The following ADGRL3 variants were observed in gnomAD, a reference collection of about 807,000 sequenced individuals.
ADGRL3 encodes calcium-independent alpha-latrotoxin receptor 3.
ADGRL3 carries 62 observed loss-of-function variants against 153.5 expected under a neutral mutation model. That is an observed-to-expected ratio of 0.40 (90% confidence interval 0.33 to 0.50). ADGRL3 has a LOEUF of 0.50. ADGRL3 is among the 20% of genes least tolerant of loss of function. The pLI, the probability that ADGRL3 is intolerant of heterozygous loss-of-function variation, is 0.47. For missense variants in ADGRL3, 1,641 were observed against 1,859.4 expected (o/e 0.88, Z 2.16); for synonymous variants, 710 against 672.5 (o/e 1.06, Z -0.86).
chr4:61,604,260 T>C (rs1023037999), intron 5 of ADGRL3, among the ~76,000 whole-genome samples: 4 of 152,146 alleles, frequency 2.6e-5, no homozygotes, highest in African/African-American at 9.7e-5. Context: ...GCCTTCATTA[T>C]GTCAGTGTCT....
At chr4:61,261,962 T>G (rs1440390113) in intron 1 of ADGRL3, among the ~76,000 whole-genome samples, 1 of 151,718 alleles carries the variant, frequency 6.6e-6, no homozygotes, top group Non-Finnish European at 1.5e-5. Context: ...AGCTTAGACT[T>G]CAAGGGGAGT....
chr4:61,675,130 C>T (rs1463417676), intron 5 of ADGRL3, among the ~76,000 whole-genome samples: 9 of 151,792 alleles, frequency 5.9e-5, no homozygotes, highest in African/African-American at 9.7e-5. Context: ...AAATAAAATC[C>T]TTATTAAGCC....
rs1191184474 is a variant in ADGRL3, at chr4:61,260,563, G to A, written c.-240+58798G>A. Among the ~76,000 whole-genome samples the A allele has an allele frequency of 4.6e-5, 7 of 152,118 alleles. No individual in the cohort carries two copies. The East Asian group carries it at 1.3e-3, about 29-fold the overall frequency. On this transcript the variant is annotated intron_variant, in intron 1 of 26. Transcript: ENST00000683033. Reference sequence around the variant, plus strand: ...TCACTGAGTCTCATTTTCTCTTTTAGGGTGGTTCTAAGAGTTAAGTAAGAT... The same window carrying A: ...TCACTGAGTCTCATTTTCTCTTTTAAGGTGGTTCTAAGAGTTAAGTAAGAT...
chr4:61,664,495 C>T (rs1291081025), intron 5 of ADGRL3, among the ~76,000 whole-genome samples: 1 of 152,092 alleles, frequency 6.6e-6, no homozygotes, highest in African/African-American at 2.4e-5. Context: ...CATTCTCTAC[C>T]TTTATACATG....
At chr4:61,520,652 C>CTGTGTGTGTGTGTGTGTG (rs545112505) in intron 4 of ADGRL3, among the ~76,000 whole-genome samples, 2,009 of 118,452 alleles carry the variant, frequency 0.017, 60 homozygotes, top group African/African-American at 0.044. Flanking sequence ...CTATAAACCT[C>CTGTGTGTGTGTGTGTGTG]TGTGTGTGTG....
intron 2 of ADGRL3, among the ~76,000 whole-genome samples, chr4:61,399,561 G>A (rs2096906316): frequency 6.6e-6 from 1 of 151,556 alleles, no homozygotes; most frequent in South Asian, 2.1e-4. Context: ...AATAAAAGTA[G>A]AAGTTGTCAA....
intron 8 of ADGRL3, among the ~76,000 whole-genome samples, chr4:61,763,109 G>T (rs2152220329): frequency 6.6e-6 from 1 of 150,912 alleles, no homozygotes; most frequent in Non-Finnish European, 1.5e-5. Context: ...TACTTTTCTT[G>T]CACACTTTGC....
At chr4:61,774,843 T>C (rs1380201247) in intron 8 of ADGRL3, among the ~76,000 whole-genome samples, 1 of 152,230 alleles carries the variant, frequency 6.6e-6, no homozygotes, top group African/African-American at 2.4e-5. Flanking sequence ...TACTATTTGC[T>C]GCTATCGGTT....
chr4:61,620,796 A>G (rs1015155185), intron 5 of ADGRL3, among the ~76,000 whole-genome samples: 1 of 151,738 alleles, frequency 6.6e-6, no homozygotes, highest in Non-Finnish European at 1.5e-5. Flanking sequence ...ACTCGCCACC[A>G]TGCCCAACTA....
intron 4 of ADGRL3, among the ~76,000 whole-genome samples, chr4:61,571,610 C>G (rs1422106338): frequency 6.6e-6 from 1 of 152,058 alleles, no homozygotes; most frequent in Non-Finnish European, 1.5e-5. Context: ...CTACTTAAGG[C>G]CCCCAGATGG....
chr4:61,621,304 AT>A (rs1454934432), intron 5 of ADGRL3, among the ~76,000 whole-genome samples: 5 of 152,094 alleles, frequency 3.3e-5, no homozygotes, highest in African/African-American at 1.2e-4. Context: ...CACAGATAAA[AT>A]TTTTGTCTTG....
chr4:61,205,621 G>A (rs1455007723), intron 1 of ADGRL3, among the ~76,000 whole-genome samples: 1 of 152,022 alleles, frequency 6.6e-6, no homozygotes, highest in Non-Finnish European at 1.5e-5. Flanking sequence ...TATTTCATGC[G>A]AATGCATTTC....
intron 17 of ADGRL3, among the ~76,000 whole-genome samples, chr4:61,968,916 G>A (rs1467844990): frequency 6.6e-6 from 1 of 152,036 alleles, no homozygotes; most frequent in African/African-American, 2.4e-5. Context: ...GTCATCTGAA[G>A]TTTCATTAAA....
chr4:61,367,228 C>A (rs2096414788), intron 1 of ADGRL3, among the ~76,000 whole-genome samples: 1 of 146,640 alleles, frequency 6.8e-6, no homozygotes, highest in African/African-American at 2.5e-5. Context: ...AAAACTGTCG[C>A]TTTTTTTTTT....
Position 61,754,681 on chromosome 4 carries a change from C to T in ADGRL3, c.1399+21127C>T, listed in dbSNP as rs577803484. On this transcript the variant is annotated intron_variant, in intron 8 of 26. Coordinates refer to ENST00000683033, the MANE Select transcript of ADGRL3 (RefSeq NM_001387552.1). ...ATGTGCACAATGTGCAGGTTAGTTA[C>T]ATATGTATACATGTGCCATGTTGGT... is the stretch of plus-strand genomic sequence containing the variant. 3.9e-5 allele frequency among the ~76,000 whole-genome samples: 6 copies of T among 152,134 alleles called. No homozygotes were observed. The South Asian group carries it at 1.2e-3, about 32-fold the overall frequency.
intron 17 of ADGRL3, among the ~76,000 whole-genome samples, chr4:61,976,643 T>C (rs1188104578): frequency 6.6e-6 from 1 of 152,114 alleles, no homozygotes. Context: ...ACTGTTCTCA[T>C]GGTAGTGATT....
At chr4:61,578,911 A>C (rs1172919707) in intron 4 of ADGRL3, among the ~76,000 whole-genome samples, 4 of 152,088 alleles carry the variant, frequency 2.6e-5, no homozygotes, top group Non-Finnish European at 5.9e-5. Flanking sequence ...AGACCCATGG[A>C]GACAGAAAGA....
intron 9 of ADGRL3, among the ~76,000 whole-genome samples, chr4:61,871,056 A>C (rs1273145879): frequency 2.0e-5 from 3 of 152,154 alleles, no homozygotes; most frequent in Non-Finnish European, 4.4e-5. Context: ...AGGCGGGCGA[A>C]TCACGAGGTC....
chr4:61,904,059 A>G (rs2098681636), intron 11 of ADGRL3, among the ~76,000 whole-genome samples: 1 of 151,240 alleles, frequency 6.6e-6, no homozygotes, highest in Non-Finnish European at 1.5e-5. Context: ...GTGAGCCACC[A>G]TGCCCAGCCT....
Sources: allele counts gnomAD v4.1 joint callset (sites outside exome capture counted in the v4.1 genomes callset), GRCh38; gene constraint gnomAD v4.1.1; transcripts MANE v1.5; gene names NCBI Gene and HGNC (gene_info 2026-07-23, HGNC 2026-07-21).